DYNC2I1: variants seen among roughly 807,000 people sequenced by gnomAD.
DYNC2I1 encodes the protein dynein 2 intermediate chain 1.
In DYNC2I1, 89 loss-of-function variants were observed where a neutral mutation model predicts 133.4. The ratio of observed to expected loss-of-function variants is 0.67; its 90% confidence interval spans 0.56 to 0.80. DYNC2I1 has a LOEUF of 0.80. Among genes scored for constraint, DYNC2I1 ranks in the 30% least tolerant of loss-of-function variants. The probability of loss-of-function intolerance (pLI) is 0.00; values close to 1 mark genes in which losing one functional copy is unlikely to be tolerated. For missense variants in DYNC2I1, 1,291 were observed against 1,314.5 expected (o/e 0.98, Z 0.28); for synonymous variants, 504 against 484.3 (o/e 1.04, Z -0.54).
chr7:158,937,587 A>C (rs1198856542), intron 23 of DYNC2I1, among the ~76,000 whole-genome samples: 1 of 142,632 alleles, frequency 7.0e-6, no homozygotes, highest in Non-Finnish European at 1.5e-5. Context: ...GATTGTGGGC[A>C]CTCCAGCCTG....
In DYNC2I1 at chr7:158,915,467, G is replaced by A. The variant is rs984778359; in HGVS notation, c.1791+1146G>A. ...AAGGATGATTGTGAAACGTCGACAC[G>A]CTGGTTGACATTAAGGATGATTGTG... On this transcript the variant is annotated intron_variant, in intron 14 of 24. Coordinates refer to ENST00000407559, the MANE Select transcript of DYNC2I1 (RefSeq NM_018051.5). Among the ~76,000 whole-genome samples, 123 of 126,572 alleles carry A rather than the reference G, an allele frequency of 9.7e-4. 3 individuals carry two copies. Among genetic ancestry groups the A allele is most frequent in the African/African-American group, 2.9e-3 (96 of 32,906 alleles). 83.0% of individuals were successfully genotyped at this position (126,572 alleles called of 152,430 possible).
chr7:158,908,640 C>G (rs929769970), intron 11 of DYNC2I1, among the ~76,000 whole-genome samples: 1 of 152,172 alleles, frequency 6.6e-6, no homozygotes, highest in Non-Finnish European at 1.5e-5. Context: ...GGATGTGACA[C>G]AGGGAGTGAA....
chr7:158,888,966 T>C lies in DYNC2I1; in HGVS notation c.990+1891T>C, dbSNP rs183982787. On this transcript the variant is annotated intron_variant, in intron 7 of 24. Coordinates refer to ENST00000407559, the MANE Select transcript of DYNC2I1 (RefSeq NM_018051.5). ...GAAAAAAATACCTACAAATATTTCT[T>C]CTCATATAATCTTTTATAATCATAT... Among the ~76,000 whole-genome samples, 211 of 152,134 alleles carry C rather than the reference T, an allele frequency of 1.4e-3. 1 individual carries two copies. Among genetic ancestry groups the C allele is most frequent in the African/African-American group, 5.0e-3 (206 of 41,492 alleles).
chr7:158,884,746 C>A (rs1844430385), intron 6 of DYNC2I1, 127 bp downstream of exon 6: 2 of 905,948 alleles, frequency 2.2e-6, no homozygotes, highest in Admixed American at 3.7e-5. Context: ...ACTTCATTTT[C>A]TCTAGATTTT....
chr7:158,856,252 G>A (rs1356283084), upstream of DYNC2I1, among the ~76,000 whole-genome samples: 2 of 152,150 alleles, frequency 1.3e-5, no homozygotes, highest in Non-Finnish European at 1.5e-5. Flanking sequence ...GGCCTCAAAC[G>A]TAAAGCTCTT....
At chr7:158,864,699 T>A (rs953598887) in intron 1 of DYNC2I1, among the ~76,000 whole-genome samples, 1 of 151,130 alleles carries the variant, frequency 6.6e-6, no homozygotes, top group African/African-American at 2.4e-5. Context: ...GGAGATGGGG[T>A]CTTGCTGTGT....
intron 1 of DYNC2I1, among the ~76,000 whole-genome samples, chr7:158,861,512 C>A (rs1328039441): frequency 6.6e-6 from 1 of 152,208 alleles, no homozygotes; most frequent in Admixed American, 6.5e-5. Flanking sequence ...GCATCCCCCT[C>A]CCCACACTTC....
At chr7:158,940,553 A>G (rs1851241921) in intron 23 of DYNC2I1, among the ~76,000 whole-genome samples, 1 of 152,220 alleles carries the variant, frequency 6.6e-6, no homozygotes, top group Admixed American at 6.5e-5. Flanking sequence ...ACACTAGCAC[A>G]TGAGACATCA....
At chr7:158,867,893 C>T (rs1842547831) in intron 1 of DYNC2I1, among the ~76,000 whole-genome samples, 1 of 152,154 alleles carries the variant, frequency 6.6e-6, no homozygotes, top group Non-Finnish European at 1.5e-5. Context: ...CCGTCCTCCT[C>T]ATCAGAAGTG....
At chr7:158,855,894 A>G (rs1032238018), upstream of DYNC2I1, among the ~76,000 whole-genome samples, 4 of 151,194 alleles carry the variant, frequency 2.6e-5, no homozygotes, top group African/African-American at 9.7e-5. Context: ...ATATGGGAAT[A>G]TAATTTGTTA....
rs573590917 is a variant in DYNC2I1, at chr7:158,871,372, G to A, written c.300G>A (p.Glu100=). Residue 100 remains glutamate, a synonymous_variant, in exon 3 of 25, where the codon GAG becomes GAA. Coordinates refer to ENST00000407559, the MANE Select transcript of DYNC2I1 (RefSeq NM_018051.5). ...RERRRDAKDR[E]KEKLKEKHRE... is the part of the protein sequence containing the mutation. ...GGAGAAGAGACGCAAAAGACCGGGAGAAAGAAAAGCTGAAGGAGAAACATC... is the reference window on the plus strand; with the variant it reads ...GGAGAAGAGACGCAAAAGACCGGGAAAAAGAAAAGCTGAAGGAGAAACATC... 41 of 1,548,538 alleles carry A rather than the reference G, an allele frequency of 2.6e-5. No individual in the cohort carries two copies. In the Middle Eastern group the frequency reaches 5.0e-4, roughly 19 times the overall value.
At chr7:158,871,609 C>T (rs966674042) in intron 3 of DYNC2I1, 47 bp downstream of exon 3, 25 of 1,344,858 alleles carry the variant, frequency 1.9e-5, no homozygotes, top group African/African-American at 1.4e-4. Flanking sequence ...GGTGCCGCGT[C>T]GCTGCTGGTG....
intron 7 of DYNC2I1, among the ~76,000 whole-genome samples, chr7:158,888,605 G>A (rs796348394): frequency 8.8e-4 from 134 of 152,050 alleles, no homozygotes; most frequent in African/African-American, 3.1e-3. Flanking sequence ...GAATAGCTGG[G>A]ATCACAGGCA....
At chr7:158,892,478 G>C (rs1033813095) in intron 8 of DYNC2I1, among the ~76,000 whole-genome samples, 2 of 152,034 alleles carry the variant, frequency 1.3e-5, no homozygotes, top group African/African-American at 4.8e-5. Context: ...GGCTCGCTCT[G>C]TTGCCCAGGC....
Position 158,856,646 on chromosome 7 carries a change from G to A in DYNC2I1, c.-90G>A. 3.3e-6 allele frequency: 4 copies of A among 1,212,060 alleles called. No homozygotes were observed. Among genetic ancestry groups the A allele is most frequent in the Non-Finnish European group, 4.1e-6 (4 of 969,678 alleles). 75.1% of individuals were successfully genotyped at this position (1,212,060 alleles called of 1,614,324 possible). A position where few individuals can be genotyped will look rare whatever the true frequency, so the allele number is the denominator to read the frequency against. On this transcript the variant is annotated 5_prime_UTR_variant, in exon 1 of 25. Transcript: ENST00000407559. The stretch of plus-strand genomic sequence containing the variant: ...TGCTAGGCGCTGGGACGCGCCTCCC[G>A]AAGGGTGCGGGGCACAGGTGGCCTC...
chr7:158,928,991 A>G (rs1849913384), intron 20 of DYNC2I1, among the ~76,000 whole-genome samples: 1 of 152,246 alleles, frequency 6.6e-6, no homozygotes, highest in Non-Finnish European at 1.5e-5. Flanking sequence ...TTTGCATAAA[A>G]AGTATTTGCA....
chr7:158,841,629 GA>G, the DYNC2I1 span, among the ~76,000 whole-genome samples: 4 of 152,296 alleles, frequency 2.6e-5, no homozygotes, highest in East Asian at 1.9e-4. Flanking sequence ...AATATTATAA[GA>G]TAGAATGTAA....
chr7:158,943,943 C>A (rs573174007), intron 24 of DYNC2I1, among the ~76,000 whole-genome samples: 3 of 152,166 alleles, frequency 2.0e-5, no homozygotes, highest in Admixed American at 2.0e-4. Flanking sequence ...ACTTCCCACA[C>A]GGGAAAAGGC....
chr7:158,880,532 C>A (rs1244398059), intron 5 of DYNC2I1, among the ~76,000 whole-genome samples: 4 of 152,022 alleles, frequency 2.6e-5, no homozygotes, highest in African/African-American at 7.2e-5. Context: ...TGCACTCCAA[C>A]CTGGGTGACG....
Sources: allele counts gnomAD v4.1 joint callset (sites outside exome capture counted in the v4.1 genomes callset), GRCh38; gene constraint gnomAD v4.1.1; transcripts MANE v1.5; gene names NCBI Gene and HGNC (gene_info 2026-07-23, HGNC 2026-07-21).